RBFOX1: variants seen among roughly 807,000 people sequenced by gnomAD.
RBFOX1 encodes the protein RNA binding protein fox-1 homolog 1.
Under a neutral mutation model 57.7 loss-of-function variants are expected in RBFOX1, and 8 were observed. The ratio of observed to expected loss-of-function variants is 0.14; its 90% CI spans 0.08 to 0.25. RBFOX1 has a LOEUF of 0.25. RBFOX1 is among the 10% of genes least tolerant of loss of function. The pLI, the probability that RBFOX1 is intolerant of heterozygous loss-of-function variation, is 1.00. For synonymous variants in RBFOX1, 326 were observed against 222.4 expected, an observed-to-expected ratio of 1.47 and a Z score of -4.15; for missense variants, 611 against 548.5, an observed-to-expected ratio of 1.11 and a Z score of -1.14.
At chr16:7,240,006 G>A (rs138973867) in intron 4 of RBFOX1, among the ~76,000 whole-genome samples, 5 of 152,208 alleles carry the variant, frequency 3.3e-5, no homozygotes, top group African/African-American at 9.6e-5. Flanking sequence ...TAGCTCTGTC[G>A]CCCAGGCTGG....
intron 2 of RBFOX1, among the ~76,000 whole-genome samples, chr16:5,585,112 A>C (rs1436681879): frequency 6.6e-6 from 1 of 152,114 alleles, no homozygotes; most frequent in Non-Finnish European, 1.5e-5. Context: ...TCTCATTCCA[A>C]AATATTTTAA....
At chr16:5,728,158 C>T (rs971100545) in intron 3 of RBFOX1, among the ~76,000 whole-genome samples, 23 of 152,214 alleles carry the variant, frequency 1.5e-4, no homozygotes, top group African/African-American at 4.1e-4. Context: ...TGTGTCATCA[C>T]GCTCATTGCA....
chr16:7,281,620 C>G (rs1016859669), intron 4 of RBFOX1, among the ~76,000 whole-genome samples: 7 of 152,044 alleles, frequency 4.6e-5, no homozygotes, highest in African/African-American at 1.7e-4. Context: ...ACAGCATGTT[C>G]TTTTCTTCAT....
chr16:5,970,145 C>G (rs1327961430), intron 4 of RBFOX1, among the ~76,000 whole-genome samples: 1 of 152,140 alleles, frequency 6.6e-6, no homozygotes, highest in Non-Finnish European at 1.5e-5. Context: ...CTTCCTGTCA[C>G]ATAGAGGAGG....
At chr16:7,175,455 C>T (rs4630564) in intron 4 of RBFOX1, among the ~76,000 whole-genome samples, 73,242 of 152,042 alleles carry the variant, frequency 0.48, 19,455 homozygotes, top group African/African-American at 0.73. Context: ...CCCCCTTTAA[C>T]GTGGATTCAG....
At chr16:6,626,400 C>T (rs1482229980) in intron 2 of RBFOX1, among the ~76,000 whole-genome samples, 1 of 152,152 alleles carries the variant, frequency 6.6e-6, no homozygotes, top group African/African-American at 2.4e-5. Flanking sequence ...ATTCATCATT[C>T]TTCCTCCTTT....
At chr16:5,547,459 A>G (rs1486962741) in intron 2 of RBFOX1, among the ~76,000 whole-genome samples, 4 of 152,210 alleles carry the variant, frequency 2.6e-5, no homozygotes, top group Non-Finnish European at 4.4e-5. Flanking sequence ...ATGCAAGAAC[A>G]TGGGTAAGTC....
At chr16:5,734,138 G>C (rs769985767) in intron 3 of RBFOX1, among the ~76,000 whole-genome samples, 20 of 152,096 alleles carry the variant, frequency 1.3e-4, no homozygotes, top group Non-Finnish European at 2.5e-4. Context: ...TTACCTGTTG[G>C]GTCTCTGAGA....
rs947584227 is a variant in RBFOX1, at chr16:7,028,734, C to T, written c.-15-23323C>T. On this transcript the variant is annotated intron_variant, in intron 3 of 15. Transcript: ENST00000550418. The stretch of plus-strand genomic sequence containing the variant: ...GAATTATTGCAGGACTTGATATGCA[C>T]AGGAAATGTAATAGGGACGTGGAGG... Among the ~76,000 whole-genome samples the T allele has an allele frequency of 2.7e-5, 4 of 150,078 alleles. 1 individual carries two copies. The Admixed American group carries it at 2.7e-4, about 10-fold the overall frequency.
rs79301230 is a variant in RBFOX1 at position 7,598,263 on chromosome 16, G to A, written c.622+832G>A. 2.4e-3 allele frequency among the ~76,000 whole-genome samples: 363 copies of A among 152,124 alleles called. 1 individual carries two copies. Among genetic ancestry groups the A allele is most frequent in the African/African-American group, 8.5e-3 (352 of 41,498 alleles). ...ATACCCATTAAAATGAGCAGGATAA[G>A]GATCATAAAGGGTCTCATAATTAAA... On this transcript the variant is annotated intron_variant, in intron 9 of 15. Coordinates refer to ENST00000550418, the MANE Select transcript of RBFOX1 (RefSeq NM_018723.4).
intron 1 of RBFOX1, among the ~76,000 whole-genome samples, chr16:6,060,319 T>C (rs543309666): frequency 1.5e-4 from 23 of 152,174 alleles, no homozygotes; most frequent in African/African-American, 5.5e-4. Context: ...GTGATAATAA[T>C]AGCAGATACT....
At chr16:5,705,454 G>T (rs577787510) in intron 3 of RBFOX1, among the ~76,000 whole-genome samples, 1 of 152,236 alleles carries the variant, frequency 6.6e-6, no homozygotes, top group African/African-American at 2.4e-5. Context: ...CGGAGAAGGG[G>T]TTCTCACTAT....
At chr16:6,192,035 T>G (rs553548836) in intron 1 of RBFOX1, among the ~76,000 whole-genome samples, 4 of 152,336 alleles carry the variant, frequency 2.6e-5, no homozygotes, top group African/African-American at 7.2e-5. Context: ...AGAACATTTC[T>G]GTTACTTCTA....
At position 6,956,605 on chromosome 16, in the gene RBFOX1, G is replaced by A. The variant is rs538970341; in HGVS notation, c.-15-95452G>A. Among the ~76,000 whole-genome samples the A allele has an allele frequency of 5.3e-5, 8 of 152,290 alleles. No individual in the cohort carries two copies. In the East Asian group the frequency reaches 1.2e-3, roughly 22 times the overall value. ...GGTGTGGGAGACAGAGGAGTGAGTG[G>A]TTCAAATCCACAGCCCGTCTTCCCT... On this transcript the variant is annotated intron_variant, in intron 3 of 15. Coordinates refer to ENST00000550418, the MANE Select transcript of RBFOX1 (RefSeq NM_018723.4).
At chr16:7,022,917 T>C (rs189033543) in intron 3 of RBFOX1, among the ~76,000 whole-genome samples, 3 of 152,302 alleles carry the variant, frequency 2.0e-5, no homozygotes, top group African/African-American at 4.8e-5. Flanking sequence ...CCCCATTGTC[T>C]CACTCTTGAG....
intron 4 of RBFOX1, among the ~76,000 whole-genome samples, chr16:7,242,988 C>T (rs1281164079): frequency 1.3e-5 from 2 of 152,116 alleles, no homozygotes; most frequent in Non-Finnish European, 2.9e-5. Flanking sequence ...TCCTCCTCCT[C>T]CTCTTGTTTT....
At chr16:7,346,620 C>T (rs550679935) in intron 4 of RBFOX1, among the ~76,000 whole-genome samples, 195 of 151,836 alleles carry the variant, frequency 1.3e-3, no homozygotes, top group Admixed American at 2.2e-3. Context: ...GGTGTGTGTC[C>T]CATGTGGCCC....
At chr16:5,382,936 G>A (rs1369707689) in intron 1 of RBFOX1, among the ~76,000 whole-genome samples, 2 of 152,146 alleles carry the variant, frequency 1.3e-5, no homozygotes, top group African/African-American at 4.8e-5. Context: ...GTGGGATTTG[G>A]GTTTCAGACC....
chr16:7,454,960 C>T (rs1329309049), intron 4 of RBFOX1, among the ~76,000 whole-genome samples: 1 of 152,186 alleles, frequency 6.6e-6, no homozygotes, highest in Admixed American at 6.5e-5. Context: ...CTGGGCCATA[C>T]CCTTTTCCAA....
Sources: allele counts gnomAD v4.1 joint callset (sites outside exome capture counted in the v4.1 genomes callset), GRCh38; gene constraint gnomAD v4.1.1; transcripts MANE v1.5; gene names NCBI Gene and HGNC (gene_info 2026-07-23, HGNC 2026-07-21).